The following SLC7A14 variants were observed in gnomAD, a reference collection of about 807,000 sequenced individuals.
The protein encoded by SLC7A14 is gamma-aminobutyric acid transporter SLC7A14.
Under a neutral mutation model 60.2 loss-of-function variants are expected in SLC7A14, and 37 were observed. The ratio of observed to expected loss-of-function variants is 0.61; its 90% CI spans 0.47 to 0.81. The LOEUF (loss-of-function observed/expected upper bound fraction) is 0.81. SLC7A14 is among the 30% of genes least tolerant of loss of function. The probability of loss-of-function intolerance (pLI) is 0.00; values close to 1 mark genes in which losing one functional copy is unlikely to be tolerated. For missense variants in SLC7A14, 886 were observed against 982.7 expected (o/e 0.90, Z 1.32); for synonymous variants, 399 against 395.8 (o/e 1.01, Z -0.10).
chr3:170,521,719 G>C (rs1713343509), intron 2 of SLC7A14, among the ~76,000 whole-genome samples: 2 of 152,148 alleles, frequency 1.3e-5, no homozygotes, highest in Non-Finnish European at 2.9e-5. Context: ...TCAGGAGTTC[G>C]AGACCAGCCT....
Position 170,462,965 on chromosome 3 carries a change from A to G in SLC7A14, c.*4090T>C, listed in dbSNP as rs1292007298. ...CAGCTATTTTTCTCTTTAATTTGTT[A>G]AATCAATTTGGAGTGTATATGTGGC... On this transcript the variant is annotated 3_prime_UTR_variant, in exon 8 of 8. Coordinates refer to ENST00000231706, the MANE Select transcript of SLC7A14 (RefSeq NM_020949.3). 1 of 152,166 alleles carries G rather than the reference A, an allele frequency of 6.6e-6. No individual in the cohort carries two copies. Among genetic ancestry groups the G allele is most frequent in the Non-Finnish European group, 1.5e-5 (1 of 68,022 alleles). 9.4% of individuals were successfully genotyped at this position (152,166 alleles called of 1,614,324 possible).
intron 1 of SLC7A14, among the ~76,000 whole-genome samples, chr3:170,563,835 G>T (rs1714726726): frequency 6.6e-6 from 1 of 152,182 alleles, no homozygotes; most frequent in African/African-American, 2.4e-5. Flanking sequence ...CATTTGGTTA[G>T]CTTTGATTCA....
At chr3:170,518,282 T>A (rs1713234964) in intron 2 of SLC7A14, among the ~76,000 whole-genome samples, 1 of 152,244 alleles carries the variant, frequency 6.6e-6, no homozygotes, top group Non-Finnish European at 1.5e-5. Context: ...TAGAGTTTTC[T>A]GATTCTACTT....
chr3:170,470,673 T>C (rs1739873336), intron 7 of SLC7A14, among the ~76,000 whole-genome samples: 1 of 150,328 alleles, frequency 6.7e-6, no homozygotes, highest in Admixed American at 6.6e-5. Context: ...CTGAGAAGGA[T>C]TGGAGAAAAG....
chr3:170,582,079 A>C (rs1317143299), intron 1 of SLC7A14, among the ~76,000 whole-genome samples: 1 of 152,210 alleles, frequency 6.6e-6, no homozygotes, highest in African/African-American at 2.4e-5. Flanking sequence ...ATTCATATGA[A>C]GCAAACTCCA....
intron 1 of SLC7A14, among the ~76,000 whole-genome samples, chr3:170,531,976 A>C (rs1164881249): frequency 6.6e-6 from 1 of 152,202 alleles, no homozygotes; most frequent in Non-Finnish European, 1.5e-5. Flanking sequence ...GGATTATCGA[A>C]TTAGGCTAGA....
chr3:170,532,151 G>A lies in SLC7A14; in HGVS notation c.-152-5063C>T, dbSNP rs948776807. Among the ~76,000 whole-genome samples, 49 of 152,162 alleles carry A rather than the reference G, an allele frequency of 3.2e-4. No homozygotes were observed. The highest frequency in any genetic ancestry group is 3.1e-3 in the Admixed American group (47 of 15,274). ...CAGCTTTTTCTGGAACATCTGGGCC[G>A]CAGGGAACATTGGCTGATAGAAGCA... On this transcript the variant is annotated intron_variant, in intron 1 of 7. Coordinates refer to ENST00000231706, the MANE Select transcript of SLC7A14 (RefSeq NM_020949.3). This position sits in a 1 kb window ranked among gnomAD's most constrained non-coding sequence, Gnocchi z 4.0.
intron 1 of SLC7A14, among the ~76,000 whole-genome samples, chr3:170,584,316 C>G (rs1319700235): frequency 6.6e-6 from 1 of 152,180 alleles, no homozygotes; most frequent in African/African-American, 2.4e-5. Context: ...AAAGCTACAA[C>G]CATGAAGCCC....
chr3:170,511,139 C>T (rs1240846666), intron 2 of SLC7A14, among the ~76,000 whole-genome samples: 1 of 152,188 alleles, frequency 6.6e-6, no homozygotes, highest in East Asian at 1.9e-4. Flanking sequence ...TGCAGTGGCT[C>T]ACGCTTGTAA....
intron 2 of SLC7A14, among the ~76,000 whole-genome samples, chr3:170,512,370 TG>T (rs1380613621): frequency 6.6e-6 from 1 of 152,082 alleles, no homozygotes; most frequent in Non-Finnish European, 1.5e-5. Flanking sequence ...CCATTCTCTC[TG>T]GGGGGCCTTC....
intron 5 of SLC7A14, among the ~76,000 whole-genome samples, chr3:170,485,987 G>A (rs1290945695): frequency 6.6e-6 from 1 of 152,130 alleles, no homozygotes; most frequent in African/African-American, 2.4e-5. Context: ...CCAAGAGCTT[G>A]TGAGGATGGA....
chr3:170,468,454 C>T (rs530611180), intron 7 of SLC7A14, among the ~76,000 whole-genome samples: 16 of 152,228 alleles, frequency 1.1e-4, no homozygotes, highest in South Asian at 1.0e-3. Context: ...TGTGCCACCA[C>T]GCCCAGCTAA....
chr3:170,542,785 C>A (rs1441164170), intron 1 of SLC7A14, among the ~76,000 whole-genome samples: 5 of 152,148 alleles, frequency 3.3e-5, no homozygotes, highest in Non-Finnish European at 2.9e-5. Context: ...TTCAAAAGAT[C>A]TTCGGAAGGA....
In SLC7A14 at chr3:170,586,008, T is replaced by A. The variant is rs908364725; in HGVS notation, c.-250A>T. 6.5e-6 allele frequency: 1 copy of A among 153,170 alleles called. No individual in the cohort carries two copies. The highest frequency in any genetic ancestry group is 1.5e-5 in the Non-Finnish European group (1 of 68,942). 9.5% of individuals were successfully genotyped at this position (153,170 alleles called of 1,614,324 possible). A position where few individuals can be genotyped will look rare whatever the true frequency, so the allele number is the denominator to read the frequency against. On this transcript the variant is annotated 5_prime_UTR_variant, in exon 1 of 8. Coordinates refer to ENST00000231706, the MANE Select transcript of SLC7A14 (RefSeq NM_020949.3). ...CTGTCTCTCTAGCTGGGATGGGAAG[T>A]GGTGGTGGCGGCAAAGGAAGGCAGG... is the stretch of plus-strand genomic sequence containing the variant.
chr3:170,550,572 A>T (rs1577555895), intron 1 of SLC7A14, among the ~76,000 whole-genome samples: 1 of 118,950 alleles, frequency 8.4e-6, no homozygotes, highest in African/African-American at 3.5e-5. Context: ...CCCAGGCTGG[A>T]GTGCAATGGT....
intron 1 of SLC7A14, among the ~76,000 whole-genome samples, chr3:170,561,310 A>C (rs1414634179): frequency 6.6e-6 from 1 of 152,200 alleles, no homozygotes; most frequent in Non-Finnish European, 1.5e-5. Context: ...CAGACTCCTC[A>C]GTCTGGGCAA....
In SLC7A14 at chr3:170,496,231, A is replaced by G. The variant is rs1011392769; in HGVS notation, c.759+2436T>C. 5 of 924,582 alleles carry G rather than the reference A, an allele frequency of 5.4e-6. No individual in the cohort carries two copies. In the African/African-American group the frequency reaches 8.1e-5, roughly 15 times the overall value. The allele number at this position is 924,582 out of a possible 1,614,324, so 57.3% of individuals were successfully genotyped here. ...ATCATCGCTGAGGTCAAGGCACAGT[A>G]GGAGGAGATCGCCAACCGCAGCTGG... On this transcript the variant is annotated intron_variant, in intron 4 of 7. Coordinates refer to ENST00000231706, the MANE Select transcript of SLC7A14 (RefSeq NM_020949.3).
intron 1 of SLC7A14, among the ~76,000 whole-genome samples, chr3:170,541,345 C>A (rs1714010925): frequency 1.3e-5 from 2 of 152,174 alleles, no homozygotes; most frequent in Admixed American, 1.3e-4. Context: ...CACCTGTAAT[C>A]CCAGCACTTT....
At chr3:170,498,427 G>A (rs182728202) in intron 4 of SLC7A14, among the ~76,000 whole-genome samples, 1 of 152,004 alleles carries the variant, frequency 6.6e-6, no homozygotes, top group Admixed American at 6.6e-5. Flanking sequence ...CCAAAACATT[G>A]AATCTATTAT....
Sources: allele counts gnomAD v4.1 joint callset (sites outside exome capture counted in the v4.1 genomes callset), GRCh38; gene constraint gnomAD v4.1.1; non-coding constraint Gnocchi (gnomAD v3.1); transcripts MANE v1.5; gene names NCBI Gene and HGNC (gene_info 2026-07-23, HGNC 2026-07-21).